RASGRP2: variants seen among roughly 807,000 people sequenced by gnomAD.
The protein encoded by RASGRP2 is RAS guanyl releasing protein 2.
RASGRP2 carries 44 observed loss-of-function variants against 71.0 expected under a neutral mutation model. That is an observed-to-expected ratio of 0.62 (90% CI 0.49 to 0.80). The LOEUF (loss-of-function observed/expected upper bound fraction) is 0.80. RASGRP2 is among the 30% of genes least tolerant of loss of function. The pLI is 0.00. For missense variants in RASGRP2, 663 were observed against 813.4 expected, an observed-to-expected ratio of 0.82 and a Z score of 2.25; for synonymous variants, 350 against 330.7, an observed-to-expected ratio of 1.06 and a Z score of -0.63.
rs774876012 is a variant in RASGRP2 at position 64,740,083 on chromosome 11, T to C, written c.452A>G (p.Asp151Gly). Residue 151 changes from aspartate (D) to glycine (G), a missense_variant, in exon 6 of 17, where the codon GAC becomes GGC. Coordinates refer to ENST00000394432, the MANE Select transcript of RASGRP2 (RefSeq NM_001098671.2). The part of the protein sequence containing the change: ...QKKRKMSLLF[D>G]HLEPMELAEH... ...CGCCAGCTCCATGGGCTCCAGGTGGTCAAACAACAGGGACATCTTGCGCTT... is the reference window on the plus strand; with the variant it reads ...CGCCAGCTCCATGGGCTCCAGGTGGCCAAACAACAGGGACATCTTGCGCTT... 1 of 1,614,024 alleles carries C rather than the reference T, an allele frequency of 6.2e-7. No homozygotes were observed. Among genetic ancestry groups the C allele is most frequent in the Non-Finnish European group, 8.5e-7 (1 of 1,180,010 alleles).
rs2301563 is a variant in RASGRP2 at position 64,739,617 on chromosome 11, G to A, written c.696+19C>T. On this transcript the variant is annotated intron_variant, in intron 7 of 16. Coordinates refer to ENST00000394432, the MANE Select transcript of RASGRP2 (RefSeq NM_001098671.2). The surrounding 1 kb of genome is among the most constrained non-coding windows in gnomAD (Gnocchi z 4.2). Reference sequence around the variant, plus strand: ...GCATGTGGGGTGGTTGGGAGACACCGGGAGGGAGGGGCAGGCACCTCCGCC... The same window carrying A: ...GCATGTGGGGTGGTTGGGAGACACCAGGAGGGAGGGGCAGGCACCTCCGCC... 340 of 1,612,920 alleles carry A rather than the reference G, an allele frequency of 2.1e-4. 4 individuals are homozygous for A. The East Asian group carries it at 6.4e-3, about 31-fold the overall frequency.
intron 9 of RASGRP2, 41 bp from the exon 10 acceptor site, chr11:64,736,021 C>G: frequency 1.3e-6 from 2 of 1,566,736 alleles, no homozygotes; most frequent in South Asian, 2.2e-5. Flanking sequence ...GGCCCCTGCC[C>G]ACAGCCACAG....
At position 64,730,043 on chromosome 11, in the gene RASGRP2, G is replaced by T; in HGVS notation, c.1554+10C>A. 1.3e-6 allele frequency: 2 copies of T among 1,550,358 alleles called. No individual in the cohort carries two copies. Among genetic ancestry groups the T allele is most frequent in the South Asian group, 2.4e-5 (2 of 84,064 alleles). On this transcript the variant is annotated intron_variant, in intron 13 of 16. Transcript: ENST00000394432. ...TGGCTTGGGCCGTGAGCCGGGAAAG[G>T]GACTCTCACCAGGGCTTTGCAGTGG...
At position 64,742,771 on chromosome 11, in the gene RASGRP2, G is replaced by C. The variant is rs1020479739; in HGVS notation, c.73+23C>G. ...AGACTCGGGGCTAGGCTCAGGCTCC[G>C]TGTGCCCTCCCGAGCCACTCACCGA... On this transcript the variant is annotated intron_variant, in intron 2 of 16. Coordinates refer to ENST00000394432, the MANE Select transcript of RASGRP2 (RefSeq NM_001098671.2). This position sits in a 1 kb window ranked among gnomAD's most constrained non-coding sequence, Gnocchi z 4.7. The C allele has an allele frequency of 9.4e-6, 15 of 1,592,028 alleles. No homozygotes were observed. Among genetic ancestry groups the C allele is most frequent in the Non-Finnish European group, 1.3e-5 (15 of 1,170,724 alleles).
chr11:64,743,666 T>TCCCCGGCTCCTGACCCTGG lies in RASGRP2; in HGVS notation c.-72+318_-72+336dup. 1 of 412,080 alleles carries TCCCCGGCTCCTGACCCTGG rather than the reference T, an allele frequency of 2.4e-6. No individual in the cohort carries two copies. The highest frequency in any genetic ancestry group is 4.8e-6 in the Non-Finnish European group (1 of 207,516). 25.5% of individuals were successfully genotyped at this position (412,080 alleles called of 1,614,324 possible). A position where few individuals can be genotyped will look rare whatever the true frequency, so the allele number is the denominator to read the frequency against. ...TGTCCACAGGCCCTCTTCCTCCCTA[T>TCCCCGGCTCCTGACCCTGG]CCCCGGCTCCTGACCCTGGCCCCGG... On this transcript the variant is annotated intron_variant, in intron 1 of 16. Coordinates refer to ENST00000394432, the MANE Select transcript of RASGRP2 (RefSeq NM_001098671.2). The surrounding 1 kb of genome is among the most constrained non-coding windows in gnomAD (Gnocchi z 4.9).
rs1458913215 is a variant in RASGRP2 at position 64,743,141 on chromosome 11, C to T, written c.-71-204G>A. The T allele has an allele frequency of 1.5e-6, 1 of 660,690 alleles. No homozygotes were observed. Among genetic ancestry groups the T allele is most frequent in the Non-Finnish European group, 2.8e-6 (1 of 362,222 alleles). 40.9% of individuals were successfully genotyped at this position (660,690 alleles called of 1,614,324 possible). On this transcript the variant is annotated intron_variant, in intron 1 of 16. Transcript: ENST00000394432. This position sits in a 1 kb window ranked among gnomAD's most constrained non-coding sequence, Gnocchi z 4.9. ...CGGACCCGCAGAGAGGCTTCCGGCC[C>T]ACCCTCGGAGTCGCGGGAAGGCCGA...
At position 64,742,112 on chromosome 11, in the gene RASGRP2, T is replaced by G; in HGVS notation, c.74A>C (p.Asp25Ala). Residue 25 changes from aspartate (D) to alanine (A), a missense_variant and splice_region_variant, in exon 3 of 17, where the codon GAT (aspartate) becomes GCT (alanine). Physicochemically the swap from Asp to Ala is moderately radical, Grantham distance 126 (BLOSUM62 -2). Transcript: ENST00000394432. The surrounding 1 kb of genome is among the most constrained non-coding windows in gnomAD (Gnocchi z 4.7). Reference protein sequence around the residue: ...ELLRGCIEAFDDSGKVRDPQL... With the variant: ...ELLRGCIEAFADSGKVRDPQL... ...CGGGTCCCGCACCTTCCCGGAGTCA[T>G]CTGACTCCGAAGGGTCAAAGACAGG... The G allele has an allele frequency of 6.3e-7, 1 of 1,584,824 alleles. No individual in the cohort carries two copies. The highest frequency in any genetic ancestry group is 8.6e-7 in the Non-Finnish European group (1 of 1,165,160).
rs1439658684 is a variant in RASGRP2, at chr11:64,743,557, G to A, written c.-72+446C>T. 2 of 343,668 alleles carry A rather than the reference G, an allele frequency of 5.8e-6. No individual in the cohort carries two copies. Among genetic ancestry groups the A allele is most frequent in the Non-Finnish European group, 1.1e-5 (2 of 176,474 alleles). The allele number at this position is 343,668 out of a possible 1,614,324, so 21.3% of individuals were successfully genotyped here. A position where few individuals can be genotyped will look rare whatever the true frequency, so the allele number is the denominator to read the frequency against. On this transcript the variant is annotated intron_variant, in intron 1 of 16. Transcript: ENST00000394432. This position sits in a 1 kb window ranked among gnomAD's most constrained non-coding sequence, Gnocchi z 4.9. Reference sequence around the variant, plus strand: ...GGGCGGGGGGAGCCCGCTGCGGCCAGGAGGCGTCAGCGGGAAGCCTGAGCC... The same window carrying A: ...GGGCGGGGGGAGCCCGCTGCGGCCAAGAGGCGTCAGCGGGAAGCCTGAGCC...
chr11:64,732,699 T>C (rs1188389609), intron 12 of RASGRP2, among the ~76,000 whole-genome samples: 2 of 151,726 alleles, frequency 1.3e-5, no homozygotes, highest in African/African-American at 4.8e-5. Context: ...GAGAATGGCA[T>C]GAACCCGGGA....
In RASGRP2 at chr11:64,740,096, A is replaced by C. The variant is rs377027979; in HGVS notation, c.439T>G (p.Ser147Ala). 2 of 1,614,014 alleles carry C rather than the reference A, an allele frequency of 1.2e-6. No homozygotes were observed. The highest frequency in any genetic ancestry group is 2.7e-5 in the African/African-American group (2 of 74,898). Residue 147 changes from serine to alanine, a missense_variant, in exon 6 of 17, where the codon TCC becomes GCC. By Grantham distance (99) the Ser-to-Ala change is moderately conservative (BLOSUM62 1). Transcript: ENST00000394432. ...NPVGQKKRKM[S>A]LLFDHLEPME... The stretch of plus-strand genomic sequence containing the variant: ...GGCTCCAGGTGGTCAAACAACAGGG[A>C]CATCTTGCGCTTTTTCTGTCCCACA...
At chr11:64,738,814 A>C (rs2058027418) in intron 8 of RASGRP2, among the ~76,000 whole-genome samples, 1 of 152,098 alleles carries the variant, frequency 6.6e-6, no homozygotes, top group South Asian at 2.1e-4. Context: ...TAAAAAATGA[A>C]GGAGAAAGAA....
chr11:64,744,233 A>G (rs71526471), upstream of RASGRP2: 1 of 985,792 alleles, frequency 1.0e-6, no homozygotes, highest in Non-Finnish European at 1.2e-6. Flanking sequence ...TTTGCGGTGC[A>G]GGGCCCGCCC....
intron 9 of RASGRP2, among the ~76,000 whole-genome samples, chr11:64,736,256 C>T (rs1434386780): frequency 1.3e-5 from 2 of 152,182 alleles, no homozygotes; most frequent in Non-Finnish European, 2.9e-5. Flanking sequence ...TGATTTCAAC[C>T]CTGATCCCCT....
intron 15 of RASGRP2, among the ~76,000 whole-genome samples, chr11:64,727,930 T>G (rs1481139775): frequency 6.6e-6 from 1 of 152,216 alleles, no homozygotes; most frequent in African/African-American, 2.4e-5. Flanking sequence ...ATTTCACATT[T>G]TAGACCCCAG....
rs1021716761 is a variant in RASGRP2 at position 64,739,549 on chromosome 11, G to A, written c.697-73C>T. On this transcript the variant is annotated intron_variant, in intron 7 of 16. Coordinates refer to ENST00000394432, the MANE Select transcript of RASGRP2 (RefSeq NM_001098671.2). The surrounding 1 kb of genome is among the most constrained non-coding windows in gnomAD (Gnocchi z 4.2). The stretch of plus-strand genomic sequence containing the variant: ...CAGAATTTGGCCCAGCTTATCTAGA[G>A]AGAAGGCAGTGGGTTAGGGGAAGGG... The A allele has an allele frequency of 1.2e-5, 20 of 1,610,160 alleles. No individual in the cohort carries two copies. In the African/African-American group the frequency reaches 2.4e-4, roughly 19 times the overall value.
intron 12 of RASGRP2, among the ~76,000 whole-genome samples, chr11:64,731,030 A>G (rs1397471577): frequency 6.6e-6 from 1 of 152,190 alleles, no homozygotes; most frequent in East Asian, 1.9e-4. Context: ...TGGTCCATCA[A>G]ATCAAGGGAG....
In RASGRP2 at chr11:64,735,958, G is replaced by A. The variant is rs139499587; in HGVS notation, c.1118C>T (p.Thr373Met). The change falls in exon 10 of 17, where the codon ACG becomes ATG. Residue 373 changes from threonine to methionine, a missense_variant. Coordinates refer to ENST00000394432, the MANE Select transcript of RASGRP2 (RefSeq NM_001098671.2). The surrounding 1 kb of genome is among the most constrained non-coding windows in gnomAD (Gnocchi z 4.2). The part of the protein sequence containing the change: ...LLTVSLDQYQ[T>M]EDELYQLSLQ... Reference sequence around the variant, plus strand: ...GGACAGCTGGTACAGCTCATCCTCCGTCTGATACTGATCCAGAGACACCTG... The same window carrying A: ...GGACAGCTGGTACAGCTCATCCTCCATCTGATACTGATCCAGAGACACCTG... 8.3e-5 allele frequency: 134 copies of A among 1,613,816 alleles called. 1 individual carries two copies. The highest frequency in any genetic ancestry group is 1.6e-4 in the Middle Eastern group (1 of 6,084).
At position 64,730,034 on chromosome 11, in the gene RASGRP2, C is replaced by G; in HGVS notation, c.1554+19G>C. ...GGAGGGGCGTGGCTTGGGCCGTGAG[C>G]CGGGAAAGGGACTCTCACCAGGGCT... On this transcript the variant is annotated intron_variant, in intron 13 of 16. Coordinates refer to ENST00000394432, the MANE Select transcript of RASGRP2 (RefSeq NM_001098671.2). 6.5e-7 allele frequency: 1 copy of G among 1,547,978 alleles called. No homozygotes were observed. Among genetic ancestry groups the G allele is most frequent in the Non-Finnish European group, 8.7e-7 (1 of 1,146,164 alleles).
chr11:64,731,957 G>A (rs184572577), intron 12 of RASGRP2, among the ~76,000 whole-genome samples: 1 of 152,154 alleles, frequency 6.6e-6, no homozygotes, highest in African/African-American at 2.4e-5. Context: ...AGAAATACTG[G>A]CCTGAGTGGA....
Sources: allele counts gnomAD v4.1 joint callset (sites outside exome capture counted in the v4.1 genomes callset), GRCh38; gene constraint gnomAD v4.1.1; non-coding constraint Gnocchi (gnomAD v3.1); transcripts MANE v1.5; gene names NCBI Gene and HGNC (gene_info 2026-07-23, HGNC 2026-07-21).